Variants in PCDHGA2 observed in about 807,000 individuals in gnomAD.
The protein encoded by PCDHGA2 is protocadherin gamma-A2.
Under a neutral mutation model 59.2 loss-of-function variants are expected in PCDHGA2, and 40 were observed. That is an observed-to-expected ratio of 0.68 (90% CI 0.52 to 0.88). The LOEUF (loss-of-function observed/expected upper bound fraction) is 0.88. Among genes scored for constraint, PCDHGA2 ranks in the 40% least tolerant of loss-of-function variants. The probability of loss-of-function intolerance (pLI) is 0.00; values close to 1 mark genes in which losing one functional copy is unlikely to be tolerated. For missense variants in PCDHGA2, 1,226 were observed against 1,204.0 expected, an observed-to-expected ratio of 1.02 and a Z score of -0.27; for synonymous variants, 560 against 526.0, an observed-to-expected ratio of 1.06 and a Z score of -0.89.
intron 1 of PCDHGA2, chr5:141,365,822 G>T: frequency 6.2e-7 from 1 of 1,613,908 alleles, no homozygotes; most frequent in Non-Finnish European, 8.5e-7. Flanking sequence ...CACATTTCAG[G>T]GGGCGCCCTT....
chr5:141,455,859 TATTA>T (rs2098833777), intron 1 of PCDHGA2, among the ~76,000 whole-genome samples: 1 of 143,846 alleles, frequency 7.0e-6, no homozygotes, highest in African/African-American at 2.5e-5. Flanking sequence ...TAATTTCTTT[TATTA>T]TTTATTTATT....
intron 1 of PCDHGA2, chr5:141,421,360 T>G (rs549572548): frequency 6.2e-7 from 1 of 1,613,980 alleles, no homozygotes; most frequent in African/African-American, 1.3e-5. Context: ...AAAGGGCTCC[T>G]TCGTGGGCAA....
At chr5:141,496,892 A>AG (rs1372616572) in intron 2 of PCDHGA2, among the ~76,000 whole-genome samples, 1 of 151,766 alleles carries the variant, frequency 6.6e-6, no homozygotes, top group Non-Finnish European at 1.5e-5. Flanking sequence ...AACACTTAAA[A>AG]AAAAAAAAAA....
chr5:141,398,914 C>G, intron 1 of PCDHGA2: 1 of 1,613,964 alleles, frequency 6.2e-7, no homozygotes, highest in Non-Finnish European at 8.5e-7. Flanking sequence ...CACTGTGTTG[C>G]AAGTGTCAGC....
chr5:141,352,298 C>G, intron 1 of PCDHGA2: 2 of 1,614,072 alleles, frequency 1.2e-6, no homozygotes, highest in East Asian at 2.2e-5. Flanking sequence ...GCCCTCTGAC[C>G]CCCAGACGGA....
At chr5:141,364,468 C>A (rs1305196130) in intron 1 of PCDHGA2, 9 of 1,614,006 alleles carry the variant, frequency 5.6e-6, no homozygotes, top group Non-Finnish European at 7.6e-6. Context: ...CCTTCGTCGG[C>A]AACATAGCCA....
chr5:141,487,936 G>C lies in PCDHGA2; in HGVS notation c.2425-6871G>C. On this transcript the variant is annotated intron_variant, in intron 1 of 3. Coordinates refer to ENST00000394576, the MANE Select transcript of PCDHGA2 (RefSeq NM_018915.4). This position sits in a 1 kb window ranked among gnomAD's most constrained non-coding sequence, Gnocchi z 5.0. The stretch of plus-strand genomic sequence containing the variant: ...AGGAGGCTACAGTGCACAGGGTACA[G>C]TGCACCAGGCAGTCACTTGGACAAA... 4.9e-6 allele frequency: 3 copies of C among 607,906 alleles called. No homozygotes were observed. The highest frequency in any genetic ancestry group is 3.7e-5 in the African/African-American group (2 of 54,158). 37.7% of individuals were successfully genotyped at this position (607,906 alleles called of 1,614,324 possible). A position where few individuals can be genotyped will look rare whatever the true frequency, so the allele number is the denominator to read the frequency against.
At chr5:141,483,737 G>A (rs1052778197) in intron 1 of PCDHGA2, among the ~76,000 whole-genome samples, 4 of 152,102 alleles carry the variant, frequency 2.6e-5, no homozygotes, top group South Asian at 2.1e-4. Context: ...TAGTCAAAAG[G>A]ATATTCCTGA....
In PCDHGA2 at chr5:141,476,374, GTTTGTGAACGACCGTC is replaced by G. The variant is rs1424626307; in HGVS notation, c.2425-18431_2425-18416del. 1 of 1,614,060 alleles carries G rather than the reference GTTTGTGAACGACCGTC, an allele frequency of 6.2e-7. No individual in the cohort carries two copies. The highest frequency in any genetic ancestry group is 1.3e-5 in the African/African-American group (1 of 74,922). Reference sequence around the variant, plus strand: ...AGGTGAACCGGGAGACCGGAGAGATGTTTGTGAACGACCGTCTGGATCGAGAGGAGCTGTGTGGGAC... The same window carrying G: ...AGGTGAACCGGGAGACCGGAGAGATGTGGATCGAGAGGAGCTGTGTGGGAC... On this transcript the variant is annotated intron_variant, in intron 1 of 3. Coordinates refer to ENST00000394576, the MANE Select transcript of PCDHGA2 (RefSeq NM_018915.4). The surrounding 1 kb of genome is among the most constrained non-coding windows in gnomAD (Gnocchi z 7.6).
At chr5:141,399,010 G>C in intron 1 of PCDHGA2, 1 of 1,613,844 alleles carries the variant, frequency 6.2e-7, no homozygotes, top group Non-Finnish European at 8.5e-7. Flanking sequence ...TTCAAAGAGC[G>C]GAGAAATTAC....
At chr5:141,504,517 T>C (rs1057166865) in intron 2 of PCDHGA2, among the ~76,000 whole-genome samples, 5 of 151,918 alleles carry the variant, frequency 3.3e-5, no homozygotes, top group African/African-American at 1.2e-4. Context: ...TCTCCTCTGA[T>C]ATATTTTATT....
intron 1 of PCDHGA2, among the ~76,000 whole-genome samples, chr5:141,358,192 AAAAGTAAAATAAAAT>A (rs1229830630): frequency 7.9e-5 from 12 of 152,228 alleles, no homozygotes; most frequent in African/African-American, 2.4e-4. Flanking sequence ...TCTGTCTCCA[AAAAGTAAAATAAAAT>A]AAAGTAAAAT....
intron 1 of PCDHGA2, among the ~76,000 whole-genome samples, chr5:141,467,032 T>G (rs551565159): frequency 2.0e-5 from 3 of 152,164 alleles, no homozygotes; most frequent in Non-Finnish European, 2.9e-5. Flanking sequence ...GTTTTTGTTT[T>G]TTGTGTAATG....
At chr5:141,385,391 A>G (rs1781168651) in intron 1 of PCDHGA2, 1 of 1,505,360 alleles carries the variant, frequency 6.6e-7, no homozygotes, top group Non-Finnish European at 8.9e-7. Context: ...TTATTTTGCA[A>G]AACAAATGTT....
In PCDHGA2 at chr5:141,415,757, T is replaced by G. The variant is rs765276447; in HGVS notation, c.2424+74362T>G. The G allele has an allele frequency of 5.6e-3, 7,497 of 1,346,942 alleles. 12 individuals are homozygous for G. The highest frequency in any genetic ancestry group is 0.012 in the East Asian group (422 of 35,004). The allele number at this position is 1,346,942 out of a possible 1,614,324, so 83.4% of individuals were successfully genotyped here. A position where few individuals can be genotyped will look rare whatever the true frequency, so the allele number is the denominator to read the frequency against. ...TTATTAAGGTTTTTTTTTTTTTTTT[T>G]TTTTTTTTTTTTTTTACTTTCTGGT... On this transcript the variant is annotated intron_variant, in intron 1 of 3. Coordinates refer to ENST00000394576, the MANE Select transcript of PCDHGA2 (RefSeq NM_018915.4).
At position 141,398,826 on chromosome 5, in the gene PCDHGA2, C is replaced by T. The variant is rs755219133; in HGVS notation, c.2424+57431C>T. On this transcript the variant is annotated intron_variant, in intron 1 of 3. Coordinates refer to ENST00000394576, the MANE Select transcript of PCDHGA2 (RefSeq NM_018915.4). ...CCACTGAGCTCCGGATCCAGGTAACCGACGCCAATGATAATCCCCCGGTAT... is the reference window on the plus strand; with the variant it reads ...CCACTGAGCTCCGGATCCAGGTAACTGACGCCAATGATAATCCCCCGGTAT... 81 of 1,613,942 alleles carry T rather than the reference C, an allele frequency of 5.0e-5. 1 individual carries two copies. In the South Asian group the frequency reaches 7.7e-4, roughly 15 times the overall value.
Position 141,477,968 on chromosome 5 carries a change from C to T in PCDHGA2, c.2425-16839C>T. 6.2e-7 allele frequency: 1 copy of T among 1,614,140 alleles called. No individual in the cohort carries two copies. Among genetic ancestry groups the T allele is most frequent in the Non-Finnish European group, 8.5e-7 (1 of 1,180,042 alleles). The stretch of plus-strand genomic sequence containing the variant: ...TCTCTTGGGATCCCCTAACCAGAGC[C>T]TTTTTGCCATAGGGCTGCACACTGG... On this transcript the variant is annotated intron_variant, in intron 1 of 3. Transcript: ENST00000394576. The surrounding 1 kb of genome is among the most constrained non-coding windows in gnomAD (Gnocchi z 4.9).
chr5:141,404,525 T>G, intron 1 of PCDHGA2: 1 of 1,613,796 alleles, frequency 6.2e-7, no homozygotes, highest in South Asian at 1.1e-5. Flanking sequence ...CTATGAGCAG[T>G]TTAGAGATTT....
chr5:141,490,945 C>T lies in PCDHGA2; in HGVS notation c.2425-3862C>T, dbSNP rs2099706308. On this transcript the variant is annotated intron_variant, in intron 1 of 3. Transcript: ENST00000394576. This position sits in a 1 kb window ranked among gnomAD's most constrained non-coding sequence, Gnocchi z 5.4. ...TGCCCCAGCTGTGCTGCACCCACGG[C>T]CAGACTGGGAACACTCAGCCCCCCA... The T allele has an allele frequency of 6.2e-7, 1 of 1,613,434 alleles. No homozygotes were observed. Among genetic ancestry groups the T allele is most frequent in the South Asian group, 1.1e-5 (1 of 91,010 alleles).
Sources: allele counts gnomAD v4.1 joint callset (sites outside exome capture counted in the v4.1 genomes callset), GRCh38; gene constraint gnomAD v4.1.1; non-coding constraint Gnocchi (gnomAD v3.1); transcripts MANE v1.5; gene names NCBI Gene and HGNC (gene_info 2026-07-23, HGNC 2026-07-21).